GPC6: variants seen among roughly 807,000 people sequenced by gnomAD.
GPC6 encodes the protein glypican 6.
In GPC6, 14 loss-of-function variants were observed where a neutral mutation model predicts 55.2. The observed-to-expected ratio is 0.25, with a 90% CI of 0.17 to 0.40. GPC6 has a LOEUF of 0.40. Ranked by LOEUF, GPC6 falls within the 10% of genes least tolerant of loss-of-function variation. GPC6 has a pLI of 1.00. For synonymous variants in GPC6, 278 were observed against 259.6 expected (o/e 1.07, Z -0.68); for missense variants, 641 against 708.5 (o/e 0.90, Z 1.08).
At chr13:93,327,909 A>C (rs1879712852) in intron 1 of GPC6, among the ~76,000 whole-genome samples, 1 of 152,112 alleles carries the variant, frequency 6.6e-6, no homozygotes, top group Non-Finnish European at 1.5e-5. Context: ...CCTTGACCAA[A>C]GGATCAGACA....
At chr13:94,216,938 G>C (rs2138996278) in intron 4 of GPC6, among the ~76,000 whole-genome samples, 1 of 152,142 alleles carries the variant, frequency 6.6e-6, no homozygotes, top group East Asian at 1.9e-4. Flanking sequence ...AGAAGATCTG[G>C]GTCTCAAACC....
intron 4 of GPC6, among the ~76,000 whole-genome samples, chr13:94,223,811 A>G (rs902224348): frequency 6.6e-6 from 1 of 152,118 alleles, no homozygotes; most frequent in African/African-American, 2.4e-5. Context: ...TGGATTCTCT[A>G]TTTGCAAATT....
intron 2 of GPC6, among the ~76,000 whole-genome samples, chr13:93,644,050 G>T (rs1320759858): frequency 6.6e-6 from 1 of 152,014 alleles, no homozygotes; most frequent in Non-Finnish European, 1.5e-5. Flanking sequence ...AATCCCATCA[G>T]CTTGTAAGTA....
chr13:93,560,263 T>G (rs1349722383), intron 2 of GPC6, among the ~76,000 whole-genome samples: 1 of 151,686 alleles, frequency 6.6e-6, no homozygotes, highest in Non-Finnish European at 1.5e-5. Context: ...ATCCCAGCAC[T>G]TTGGGAGGCC....
intron 6 of GPC6, among the ~76,000 whole-genome samples, chr13:94,377,980 A>G (rs563596942): frequency 3.9e-4 from 60 of 152,172 alleles, no homozygotes; most frequent in African/African-American, 1.4e-3. Context: ...CTCACTCATA[A>G]GTGGGAATTG....
intron 2 of GPC6, among the ~76,000 whole-genome samples, chr13:93,728,116 G>T (rs1256586417): frequency 1.3e-5 from 2 of 152,098 alleles, no homozygotes; most frequent in African/African-American, 4.8e-5. Flanking sequence ...AAAAATTATT[G>T]CACTCTCATT....
chr13:94,262,359 C>T (rs1309768190), intron 4 of GPC6, among the ~76,000 whole-genome samples: 2 of 152,052 alleles, frequency 1.3e-5, no homozygotes, highest in Non-Finnish European at 2.9e-5. Flanking sequence ...AAGTGATTCT[C>T]ATTGTAGTCA....
In GPC6 at chr13:93,914,238, C is replaced by T. The variant is rs553638778; in HGVS notation, c.711+83693C>T. On this transcript the variant is annotated intron_variant, in intron 3 of 8. Coordinates refer to ENST00000377047, the MANE Select transcript of GPC6 (RefSeq NM_005708.5). ...CCCCTCTCCCCACCCCACAACAGGC[C>T]CCGGTGTGTGATGTTCCCCTTCCTG... is the stretch of plus-strand genomic sequence containing the variant. Among the ~76,000 whole-genome samples the T allele has an allele frequency of 7.2e-5, 11 of 152,136 alleles. 1 individual carries two copies. Among genetic ancestry groups the T allele is most frequent in the African/African-American group, 1.7e-4 (7 of 41,512 alleles).
chr13:94,268,186 C>G (rs1263146567), intron 4 of GPC6, among the ~76,000 whole-genome samples: 1 of 152,156 alleles, frequency 6.6e-6, no homozygotes, highest in South Asian at 2.1e-4. Flanking sequence ...TGTGTCCATA[C>G]TAACTACAGA....
intron 1 of GPC6, among the ~76,000 whole-genome samples, chr13:93,329,667 T>C (rs918728366): frequency 2.6e-5 from 4 of 152,148 alleles, no homozygotes; most frequent in Non-Finnish European, 4.4e-5. Flanking sequence ...TGGAGTATGC[T>C]GTTGATGTTT....
At chr13:93,291,966 CT>C (rs1566282998) in intron 1 of GPC6, among the ~76,000 whole-genome samples, 1 of 152,172 alleles carries the variant, frequency 6.6e-6, no homozygotes, top group East Asian at 1.9e-4. Context: ...AGTTAAAATG[CT>C]GTAAATATTT....
chr13:93,844,282 G>A (rs1217728746), intron 3 of GPC6, among the ~76,000 whole-genome samples: 3 of 152,028 alleles, frequency 2.0e-5, no homozygotes, highest in Non-Finnish European at 4.4e-5. Flanking sequence ...GGGACTACAG[G>A]CATGCACCAC....
At chr13:93,639,495 A>C (rs1052740693) in intron 2 of GPC6, among the ~76,000 whole-genome samples, 1 of 152,118 alleles carries the variant, frequency 6.6e-6, no homozygotes, top group African/African-American at 2.4e-5. Flanking sequence ...ATTTGTATTT[A>C]AAATAGACTG....
intron 2 of GPC6, among the ~76,000 whole-genome samples, chr13:93,602,725 A>G (rs1313401289): frequency 6.6e-6 from 1 of 152,184 alleles, no homozygotes; most frequent in Non-Finnish European, 1.5e-5. Flanking sequence ...TTCTTTCATT[A>G]TTTTATTTTA....
intron 1 of GPC6, among the ~76,000 whole-genome samples, chr13:93,486,711 C>A (rs1879724759): frequency 2.0e-5 from 3 of 152,134 alleles, no homozygotes; most frequent in African/African-American, 4.8e-5. Context: ...CTTTGGGAGG[C>A]CAAGGCAGGT....
chr13:94,022,014 A>C (rs1228336816), intron 3 of GPC6, among the ~76,000 whole-genome samples: 1 of 152,084 alleles, frequency 6.6e-6, no homozygotes, highest in Non-Finnish European at 1.5e-5. Flanking sequence ...TTTAAGATAC[A>C]TGGACATAGC....
intron 1 of GPC6, among the ~76,000 whole-genome samples, chr13:93,461,946 A>G (rs1042448236): frequency 2.6e-5 from 4 of 152,222 alleles, no homozygotes; most frequent in East Asian, 1.9e-4. Flanking sequence ...ATGAAGGAAC[A>G]TAAGAAATTT....
chr13:93,711,393 C>A (rs754591253), intron 2 of GPC6, among the ~76,000 whole-genome samples: 19 of 151,672 alleles, frequency 1.3e-4, no homozygotes, highest in Non-Finnish European at 2.8e-4. Flanking sequence ...ACAGCAAGAA[C>A]CCGCCCCCAA....
chr13:93,231,331 GTA>G (rs1491441959), intron 1 of GPC6, among the ~76,000 whole-genome samples: 3 of 75,484 alleles, frequency 4.0e-5, no homozygotes, highest in South Asian at 3.7e-4. Context: ...ATATATATAC[GTA>G]TATATATATA....
Sources: gnomAD v4.1 joint callset for allele counts (sites outside exome capture counted in the v4.1 genomes callset) on GRCh38, gnomAD v4.1.1 for gene constraint, MANE v1.5 for transcripts, NCBI Gene and HGNC (gene_info 2026-07-23, HGNC 2026-07-21) for gene names.